The following MEF2C variants were observed in gnomAD, a reference collection of about 807,000 sequenced individuals.
MEF2C encodes the protein myocyte-specific enhancer factor 2C.
A neutral mutation model predicts 50.5 loss-of-function variants in MEF2C; 6 were observed. The ratio of observed to expected loss-of-function variants is 0.12; its 90% CI spans 0.07 to 0.23. The LOEUF is 0.23. MEF2C is among the 10% of genes least tolerant of loss of function. MEF2C has a pLI of 1.00. For synonymous variants in MEF2C, 183 were observed against 228.0 expected (o/e 0.80, Z 1.78); for missense variants, 276 against 605.0 (o/e 0.46, Z 5.70).
chr5:88,744,927 C>G (rs1768662947), intron 6 of MEF2C, among the ~76,000 whole-genome samples: 1 of 152,188 alleles, frequency 6.6e-6, no homozygotes, highest in Non-Finnish European at 1.5e-5. Context: ...GTTAATGAAA[C>G]TTTGCTTTAT....
intron 3 of MEF2C, among the ~76,000 whole-genome samples, chr5:88,779,001 C>T (rs960904813): frequency 3.3e-5 from 5 of 152,246 alleles, no homozygotes; most frequent in African/African-American, 9.6e-5. Context: ...AGGTTTCCCA[C>T]AGCCGGGCCA....
intron 2 of MEF2C, among the ~76,000 whole-genome samples, chr5:88,807,573 T>C (rs1340943155): frequency 6.6e-6 from 1 of 152,180 alleles, no homozygotes; most frequent in African/African-American, 2.4e-5. Context: ...TTTTTCACAT[T>C]TGTAAAACAG....
chr5:88,810,497 G>A (rs1802322361), intron 2 of MEF2C, among the ~76,000 whole-genome samples: 1 of 150,254 alleles, frequency 6.7e-6, no homozygotes, highest in South Asian at 2.1e-4. Context: ...AGAAAGAATG[G>A]GGAGGATCCA....
intron 6 of MEF2C, chr5:88,735,644 G>A (rs1339526821): frequency 1.0e-6 from 1 of 984,324 alleles, no homozygotes; most frequent in African/African-American, 1.7e-5. Flanking sequence ...TTACAAGTTT[G>A]TATATACTCA....
intron 3 of MEF2C, among the ~76,000 whole-genome samples, chr5:88,764,971 GA>G (rs1347001681): frequency 5.9e-5 from 9 of 152,040 alleles, no homozygotes; most frequent in Non-Finnish European, 1.0e-4. Flanking sequence ...GTTTATGAAT[GA>G]AAAAAACCAA....
intron 1 of MEF2C, among the ~76,000 whole-genome samples, chr5:88,853,160 G>A (rs1822020555): frequency 1.2e-4 from 19 of 152,146 alleles, no homozygotes; most frequent in Admixed American, 1.2e-3. Context: ...GAAGTTCAAG[G>A]CTGCAGTGAG....
intron 10 of MEF2C, among the ~76,000 whole-genome samples, chr5:88,727,127 C>G (rs1759191329): frequency 6.6e-6 from 1 of 152,038 alleles, no homozygotes. Context: ...GAATTATGTG[C>G]TTGGTGATAA....
intron 1 of MEF2C, among the ~76,000 whole-genome samples, chr5:88,865,955 A>G (rs952062240): frequency 2.7e-5 from 4 of 147,800 alleles, no homozygotes; most frequent in African/African-American, 7.5e-5. Context: ...GAGTGCAGTG[A>G]CTCTATCTCG....
chr5:88,831,408 A>G (rs1461804131), intron 1 of MEF2C, among the ~76,000 whole-genome samples: 1 of 151,500 alleles, frequency 6.6e-6, no homozygotes. Context: ...TTTACTCTGC[A>G]TTCAAATATT....
chr5:88,745,396 G>A (rs1215100217), intron 6 of MEF2C, among the ~76,000 whole-genome samples: 1 of 152,288 alleles, frequency 6.6e-6, no homozygotes, highest in Non-Finnish European at 1.5e-5. Flanking sequence ...ACTGAATTCT[G>A]TGGGATGACA....
intron 3 of MEF2C, among the ~76,000 whole-genome samples, chr5:88,785,885 A>G (rs1790616363): frequency 6.6e-6 from 1 of 152,010 alleles, no homozygotes; most frequent in African/African-American, 2.4e-5. Context: ...ATTGGCACCT[A>G]GAAGTCTGAA....
chr5:88,739,329 T>A, intron 6 of MEF2C: 1 of 984,806 alleles, frequency 1.0e-6, no homozygotes. Context: ...ACAAAATGTT[T>A]TACTCACTTT....
At chr5:88,781,989 A>G in intron 3 of MEF2C, 3 of 401,136 alleles carry the variant, frequency 7.5e-6, no homozygotes, top group Non-Finnish European at 1.0e-5. Context: ...AACAAAACAA[A>G]ACAAAAAACT....
chr5:88,871,451 A>T (rs1829496763), intron 1 of MEF2C, among the ~76,000 whole-genome samples: 1 of 152,000 alleles, frequency 6.6e-6, no homozygotes, highest in Non-Finnish European at 1.5e-5. Context: ...CCACTCTGCA[A>T]GTATTCCTTG....
At chr5:88,731,936 A>G in intron 6 of MEF2C, 35 bp from the exon 7 acceptor site, 7 of 1,577,934 alleles carry the variant, frequency 4.4e-6, no homozygotes, top group Non-Finnish European at 6.0e-6. Context: ...TTTAGGAAGA[A>G]ATCTAGGTCA....
chr5:88,827,875 T>A (rs1811536379), intron 1 of MEF2C, among the ~76,000 whole-genome samples: 1 of 148,034 alleles, frequency 6.8e-6, no homozygotes, highest in Non-Finnish European at 1.5e-5. Context: ...AATCAATGCA[T>A]GCTGGTAAAA....
intron 1 of MEF2C, among the ~76,000 whole-genome samples, chr5:88,846,127 G>A (rs1392432554): frequency 6.6e-6 from 1 of 151,036 alleles, no homozygotes; most frequent in Non-Finnish European, 1.5e-5. Context: ...GAGTGCGGTG[G>A]CGCAATCTCA....
chr5:88,770,125 G>T, intron 3 of MEF2C: 1 of 454,008 alleles, frequency 2.2e-6, no homozygotes, highest in Non-Finnish European at 2.9e-6. Context: ...ATTAATATAA[G>T]ATCAGAGAAC....
upstream of MEF2C, among the ~76,000 whole-genome samples, chr5:88,887,230 G>A (rs1834117075): frequency 6.6e-6 from 1 of 152,158 alleles, no homozygotes; most frequent in African/African-American, 2.4e-5. Context: ...TTTAATCTTT[G>A]TCTAATTATA....
Sources: gnomAD v4.1 joint callset for allele counts (sites outside exome capture counted in the v4.1 genomes callset) on GRCh38, gnomAD v4.1.1 for gene constraint, MANE v1.5 for transcripts, NCBI Gene and HGNC (gene_info 2026-07-23, HGNC 2026-07-21) for gene names.